MFSD1: variants seen among roughly 807,000 people sequenced by gnomAD.
MFSD1 encodes lysosomal dipeptide transporter MFSD1.
A neutral mutation model predicts 67.1 loss-of-function variants in MFSD1; 59 were observed. The ratio of observed to expected loss-of-function variants is 0.88; its 90% CI spans 0.71 to 1.09. MFSD1 has a LOEUF of 1.09. MFSD1 is among the 50% of genes least tolerant of loss of function. The pLI, the probability that MFSD1 is intolerant of heterozygous loss-of-function variation, is 0.00. For synonymous variants in MFSD1, 213 were observed against 200.3 expected, an observed-to-expected ratio of 1.06 and a Z score of -0.54; for missense variants, 552 against 566.1, an observed-to-expected ratio of 0.97 and a Z score of 0.25.
At chr3:158,809,068 G>T (rs1252998064) in intron 5 of MFSD1, 111 bp from the exon 6 acceptor site, 4 of 676,914 alleles carry the variant, frequency 5.9e-6, no homozygotes, top group African/African-American at 5.5e-5. Flanking sequence ...GGGGACAGAG[G>T]CCCCATCTCT....
intron 4 of MFSD1, 24 bp downstream of exon 4, chr3:158,807,106 TG>T (rs1311033313): frequency 6.3e-7 from 1 of 1,598,516 alleles, no homozygotes; most frequent in Non-Finnish European, 8.6e-7. Context: ...AAACATTCAT[TG>T]ATTATTGACA....
chr3:158,814,366 G>T (rs1036774988), intron 7 of MFSD1, among the ~76,000 whole-genome samples: 12 of 152,154 alleles, frequency 7.9e-5, no homozygotes, highest in Admixed American at 5.2e-4. Context: ...TGTCGCTCAG[G>T]CTGGAGTTCA....
intron 5 of MFSD1, among the ~76,000 whole-genome samples, chr3:158,808,087 C>A (rs1028291962): frequency 8.6e-5 from 13 of 152,002 alleles, no homozygotes; most frequent in African/African-American, 3.1e-4. Context: ...GGTGACATAC[C>A]CCAAAAAGTA....
Position 158,822,147 on chromosome 3 carries a change from T to A in MFSD1, c.1077+7T>A, listed in dbSNP as rs770108679. On this transcript the variant is annotated splice_region_variant and intron_variant, in intron 11 of 15. Transcript: ENST00000415822. ...GAACCCTTGGATTGCTATGGTAACG[T>A]CTGTGTTAGCCCATGGTGGGGTCAG... 2 of 1,607,010 alleles carry A rather than the reference T, an allele frequency of 1.2e-6. No individual in the cohort carries two copies. Among genetic ancestry groups the A allele is most frequent in the Admixed American group, 3.3e-5 (2 of 59,904 alleles).
intron 13 of MFSD1, among the ~76,000 whole-genome samples, chr3:158,824,891 G>T (rs1730882674): frequency 6.6e-6 from 1 of 152,144 alleles, no homozygotes; most frequent in South Asian, 2.1e-4. Flanking sequence ...TGTGGTATTT[G>T]CAGATAATTG....
At chr3:158,811,314 A>C (rs549730426) in intron 6 of MFSD1, among the ~76,000 whole-genome samples, 10 of 152,312 alleles carry the variant, frequency 6.6e-5, no homozygotes, top group African/African-American at 2.4e-4. Flanking sequence ...GTTAAAGGCA[A>C]CTGGGTTTTG....
At chr3:158,827,447 G>C in intron 15 of MFSD1, 110 bp downstream of exon 15, 1 of 562,796 alleles carries the variant, frequency 1.8e-6, no homozygotes, top group Non-Finnish European at 2.9e-6. Context: ...TGATTCCCAT[G>C]CTTGTCGTCC....
intron 3 of MFSD1, among the ~76,000 whole-genome samples, chr3:158,805,985 A>G (rs1729705989): frequency 6.6e-6 from 1 of 152,146 alleles, no homozygotes; most frequent in South Asian, 2.1e-4. Context: ...TTTTGTGACC[A>G]CTTCTGTTAG....
rs746469660 is a variant in MFSD1, at chr3:158,813,950, T to C, written c.550-15T>C. On this transcript the variant is annotated splice_polypyrimidine_tract_variant and intron_variant, in intron 6 of 15. Coordinates refer to ENST00000415822, the MANE Select transcript of MFSD1 (RefSeq NM_022736.4). ...GATTTAAAATGCTGTTGTTTTTTTT[T>C]CCCTTCTCATTTAGGGAAGTACAGT... 39 of 1,565,008 alleles carry C rather than the reference T, an allele frequency of 2.5e-5. No homozygotes were observed. The East Asian group carries it at 2.9e-4, about 12-fold the overall frequency.
At chr3:158,822,201 T>A in intron 11 of MFSD1, 61 bp downstream of exon 11, 1 of 1,522,364 alleles carries the variant, frequency 6.6e-7, no homozygotes, top group Non-Finnish European at 9.0e-7. Context: ...GTCATGTTCA[T>A]CTAAGTAGGC....
intron 2 of MFSD1, 127 bp from the exon 3 acceptor site, chr3:158,805,234 TA>T (rs1729665270): frequency 1.6e-5 from 12 of 751,454 alleles, no homozygotes; most frequent in East Asian, 5.3e-5. Context: ...TATAAATGGT[TA>T]AAAAAAACTT....
intron 15 of MFSD1, 60 bp from the exon 16 acceptor site, chr3:158,828,919 G>T: frequency 6.4e-7 from 1 of 1,558,282 alleles, no homozygotes; most frequent in Non-Finnish European, 8.7e-7. Context: ...ATTTTATAAG[G>T]CAGGTGAGCT....
At chr3:158,803,325 T>C (rs1038254816) in intron 1 of MFSD1, among the ~76,000 whole-genome samples, 2 of 152,194 alleles carry the variant, frequency 1.3e-5, no homozygotes, top group African/African-American at 4.8e-5. Context: ...TGAAGGATGC[T>C]TTGGGCTTTG....
At chr3:158,822,311 A>G in intron 11 of MFSD1, 171 bp downstream of exon 11, 1 of 437,900 alleles carries the variant, frequency 2.3e-6, no homozygotes, top group Non-Finnish European at 4.0e-6. Context: ...ATAATTATGA[A>G]TTATTAACAT....
chr3:158,809,668 C>A (rs745358683), intron 6 of MFSD1, among the ~76,000 whole-genome samples: 1 of 152,114 alleles, frequency 6.6e-6, no homozygotes, highest in Non-Finnish European at 1.5e-5. Flanking sequence ...AAGCAGCCCA[C>A]CTACCTTAAT....
rs1690665939 is a variant in MFSD1, at chr3:158,829,640, G to A, written c.*658G>A. 1 of 152,172 alleles carries A rather than the reference G, an allele frequency of 6.6e-6. No individual in the cohort carries two copies. The highest frequency in any genetic ancestry group is 2.1e-4 in the South Asian group (1 of 4,826). 9.4% of individuals were successfully genotyped at this position (152,172 alleles called of 1,614,324 possible). On this transcript the variant is annotated 3_prime_UTR_variant, in exon 16 of 16. Coordinates refer to ENST00000415822, the MANE Select transcript of MFSD1 (RefSeq NM_022736.4). ...AACTTTCTGTACAGTTTTTCTTATA[G>A]TCTAATAAGTAAAAAGTGTCCTTCA...
rs1731181432 is a variant in MFSD1, at chr3:158,829,122, CAAAG to C, written c.*141_*144del. 5 of 697,570 alleles carry C rather than the reference CAAAG, an allele frequency of 7.2e-6. No individual in the cohort carries two copies. The East Asian group carries it at 1.6e-4, about 22-fold the overall frequency. 43.2% of individuals were successfully genotyped at this position (697,570 alleles called of 1,614,324 possible). On this transcript the variant is annotated 3_prime_UTR_variant, in exon 16 of 16. Transcript: ENST00000415822. ...TATTTATATCCAAATATACCTATTT[CAAAG>C]TGTATTTGTGAGGCCTGTTTTAGCC...
Position 158,805,428 on chromosome 3 carries a change from T to C in MFSD1, c.283T>C (p.Leu95=), listed in dbSNP as rs1365537052. The C allele has an allele frequency of 6.2e-7, 1 of 1,614,130 alleles. No individual in the cohort carries two copies. Among genetic ancestry groups the C allele is most frequent in the Non-Finnish European group, 8.5e-7 (1 of 1,179,980 alleles). The part of the protein sequence containing the change: ...YAWYSWPNVV[L]CFFGGFLIDR... The stretch of plus-strand genomic sequence containing the variant: ...CTGGTATTCTTGGCCCAATGTAGTT[T>C]TGTGTTTCTTTGGTGGCTTTTTGAT... The change falls in exon 3 of 16, where the codon TTG becomes CTG. Residue 95 remains leucine, a synonymous_variant. Coordinates refer to ENST00000415822, the MANE Select transcript of MFSD1 (RefSeq NM_022736.4).
chr3:158,811,343 T>C (rs572274390), intron 6 of MFSD1, among the ~76,000 whole-genome samples: 1 of 152,332 alleles, frequency 6.6e-6, no homozygotes, highest in Non-Finnish European at 1.5e-5. Flanking sequence ...AGGTTAGACA[T>C]GCCTGCCATT....
Sources: allele counts gnomAD v4.1 joint callset (sites outside exome capture counted in the v4.1 genomes callset), GRCh38; gene constraint gnomAD v4.1.1; transcripts MANE v1.5; gene names NCBI Gene and HGNC (gene_info 2026-07-23, HGNC 2026-07-21).